The following TBXAS1 variants were observed in gnomAD, a reference collection of about 807,000 sequenced individuals.
TBXAS1 encodes thromboxane-A synthase.
A neutral mutation model predicts 60.7 loss-of-function variants in TBXAS1; 48 were observed. The observed-to-expected ratio is 0.79, with a 90% CI of 0.63 to 1.01. TBXAS1 has a LOEUF of 1.01. Among genes scored for constraint, TBXAS1 ranks in the 50% least tolerant of loss-of-function variants. The probability of loss-of-function intolerance (pLI) is 0.00; values close to 1 mark genes in which losing one functional copy is unlikely to be tolerated. For synonymous variants in TBXAS1, 287 were observed against 269.7 expected (o/e 1.06, Z -0.63); for missense variants, 685 against 686.3 (o/e 1.00, Z 0.02).
intron 3 of TBXAS1, among the ~76,000 whole-genome samples, chr7:139,891,091 C>T (rs1255942184): frequency 2.0e-5 from 3 of 152,040 alleles, no homozygotes; most frequent in African/African-American, 7.2e-5. Context: ...GCCACGGATG[C>T]CTGTACCTAC....
chr7:139,899,532 T>C (rs1202110536), intron 3 of TBXAS1, among the ~76,000 whole-genome samples: 1 of 152,248 alleles, frequency 6.6e-6, no homozygotes, highest in Non-Finnish European at 1.5e-5. Context: ...GTCTACACAA[T>C]ACTTCACTGA....
At chr7:140,015,381 A>C (rs1814943658) in intron 10 of TBXAS1, among the ~76,000 whole-genome samples, 1 of 152,152 alleles carries the variant, frequency 6.6e-6, no homozygotes. Flanking sequence ...CTATGAAAGC[A>C]ATCCTTCCAA....
chr7:139,785,268 C>A (rs1350727758), intron 3 of TBXAS1, among the ~76,000 whole-genome samples: 1 of 151,978 alleles, frequency 6.6e-6, no homozygotes, highest in Non-Finnish European at 1.5e-5. Flanking sequence ...GTTCTCTTGG[C>A]AAGCTGATCT....
chr7:139,911,277 A>G lies in TBXAS1; in HGVS notation c.289A>G (p.Lys97Glu), dbSNP rs780050223. 2 of 1,614,188 alleles carry G rather than the reference A, an allele frequency of 1.2e-6. No individual in the cohort carries two copies. Among genetic ancestry groups the G allele is most frequent in the Non-Finnish European group, 1.7e-6 (2 of 1,180,034 alleles). ...FIVISEPDMI[K>E]QVLVENFSNF... ...TGTTATTTCTGAGCCAGACATGATC[A>G]AGCAGGTGTTGGTTGAGAACTTCAG... Residue 97 changes from lysine (K) to glutamate (E), a missense_variant, in exon 4 of 13, where the codon AAG becomes GAG. Lys to Glu is a moderately conservative substitution (Grantham distance 56). Coordinates refer to ENST00000448866, the MANE Select transcript of TBXAS1 (RefSeq NM_001061.7).
chr7:139,825,230 A>G (rs1180725802), upstream of TBXAS1, among the ~76,000 whole-genome samples: 4 of 152,154 alleles, frequency 2.6e-5, no homozygotes, highest in African/African-American at 9.7e-5. Context: ...CATCCTAGAA[A>G]AACCCTGATC....
At chr7:139,834,044 C>T (rs62490065) in intron 1 of TBXAS1, among the ~76,000 whole-genome samples, 14,318 of 152,156 alleles carry the variant, frequency 0.094, 917 homozygotes, top group Non-Finnish European at 0.14. Flanking sequence ...TCTCCAAGAT[C>T]GACCATATGA....
At chr7:139,798,521 A>C (rs1165242894) in intron 4 of TBXAS1, among the ~76,000 whole-genome samples, 1 of 152,208 alleles carries the variant, frequency 6.6e-6, no homozygotes, top group East Asian at 1.9e-4. Flanking sequence ...AACGCTGAAA[A>C]ATAGTGATCT....
intron 1 of TBXAS1, among the ~76,000 whole-genome samples, chr7:139,835,579 C>G (rs959066190): frequency 1.4e-4 from 21 of 152,050 alleles, no homozygotes; most frequent in Admixed American, 1.4e-3. Flanking sequence ...ATCTGGCATC[C>G]CTTTATGATT....
At chr7:139,873,808 G>A (rs968348659) in intron 2 of TBXAS1, among the ~76,000 whole-genome samples, 5 of 151,922 alleles carry the variant, frequency 3.3e-5, no homozygotes, top group East Asian at 1.9e-4. Context: ...GCTAAGTCAC[G>A]GGGACACTGA....
chr7:139,955,521 C>A lies in TBXAS1; in HGVS notation c.602C>A (p.Ser201Tyr), dbSNP rs773533669. 3 of 1,614,242 alleles carry A rather than the reference C, an allele frequency of 1.9e-6. No homozygotes were observed. Among genetic ancestry groups the A allele is most frequent in the Non-Finnish European group, 2.5e-6 (3 of 1,180,042 alleles). The change falls in exon 7 of 13, where the codon TCC becomes TAC. Residue 201 changes from serine (S) to tyrosine (Y), a missense_variant. Transcript: ENST00000448866. ...GTCGCCTTTGGCACCCCGGTGGACT[C>A]CTGGCAGGCCCCTGAGGATCCCTTT... ...ASVAFGTPVD[S>Y]WQAPEDPFVK... is the part of the protein sequence containing the mutation.
rs374068198 is a variant in TBXAS1, at chr7:139,930,074, C to T, written c.334-6117C>T. On this transcript the variant is annotated intron_variant, in intron 4 of 12. Transcript: ENST00000448866. The stretch of plus-strand genomic sequence containing the variant: ...CCTGCCTCCATCCCTCCCCTCCAGC[C>T]GCGCCACATCCTTAAGGGTCCTCAC... Among the ~76,000 whole-genome samples, 46 of 152,322 alleles carry T rather than the reference C, an allele frequency of 3.0e-4. 1 individual carries two copies. The highest frequency in any genetic ancestry group is 2.1e-4 in the South Asian group (1 of 4,828).
At chr7:140,009,362 C>T (rs1452908227) in intron 10 of TBXAS1, among the ~76,000 whole-genome samples, 3 of 152,182 alleles carry the variant, frequency 2.0e-5, no homozygotes, top group African/African-American at 4.8e-5. Context: ...CTCCTTCCTA[C>T]GGGTTAAATG....
At chr7:139,821,039 G>A (rs1302603974) in intron 4 of TBXAS1, among the ~76,000 whole-genome samples, 1 of 152,194 alleles carries the variant, frequency 6.6e-6, no homozygotes, top group Non-Finnish European at 1.5e-5. Flanking sequence ...AAATGAAGTA[G>A]AATGAATGGA....
intron 1 of TBXAS1, among the ~76,000 whole-genome samples, chr7:139,849,235 C>T (rs1800031687): frequency 6.6e-6 from 1 of 151,886 alleles, no homozygotes; most frequent in African/African-American, 2.4e-5. Context: ...AACAATTAGC[C>T]AGGTGCGGTG....
intron 1 of TBXAS1, among the ~76,000 whole-genome samples, chr7:139,846,033 C>G (rs1799781126): frequency 6.6e-6 from 1 of 151,738 alleles, no homozygotes; most frequent in African/African-American, 2.4e-5. Context: ...TCCATGTTGC[C>G]CAGGCTGGGA....
chr7:139,893,735 T>G (rs1008709656), intron 3 of TBXAS1, among the ~76,000 whole-genome samples: 2 of 152,250 alleles, frequency 1.3e-5, no homozygotes, highest in African/African-American at 4.8e-5. Flanking sequence ...CTTTTTTTAT[T>G]GTTATGAGAT....
chr7:139,856,803 C>T (rs988540952), intron 1 of TBXAS1, among the ~76,000 whole-genome samples: 3 of 152,142 alleles, frequency 2.0e-5, no homozygotes, highest in East Asian at 1.9e-4. Flanking sequence ...AGAATCACTC[C>T]ATAATCGGTG....
intron 1 of TBXAS1, among the ~76,000 whole-genome samples, chr7:139,845,999 AT>A (rs1458293252): frequency 1.3e-5 from 2 of 150,732 alleles, no homozygotes; most frequent in Non-Finnish European, 3.0e-5. Flanking sequence ...TATTTTTTGT[AT>A]TTTTTTGTAG....
At chr7:139,850,106 TA>T (rs1039189435) in intron 1 of TBXAS1, among the ~76,000 whole-genome samples, 3 of 152,234 alleles carry the variant, frequency 2.0e-5, no homozygotes, top group African/African-American at 7.2e-5. Flanking sequence ...CAAGGGCTAT[TA>T]CACATCGTGA....
Sources: allele counts gnomAD v4.1 joint callset (sites outside exome capture counted in the v4.1 genomes callset), GRCh38; gene constraint gnomAD v4.1.1; transcripts MANE v1.5; gene names NCBI Gene and HGNC (gene_info 2026-07-23, HGNC 2026-07-21).